The following CNOT2 variants were observed in gnomAD, a reference collection of about 807,000 sequenced individuals.
CNOT2 encodes the protein CCR4-NOT transcription complex subunit 2.
CNOT2 carries 7 observed loss-of-function variants against 72.1 expected under a neutral mutation model. The observed-to-expected ratio is 0.10, with a 90% CI of 0.06 to 0.18. The LOEUF (loss-of-function observed/expected upper bound fraction) is 0.18. Among genes scored for constraint, CNOT2 ranks in the 10% least tolerant of loss-of-function variants. The pLI, the probability that CNOT2 is intolerant of heterozygous loss-of-function variation, is 1.00. For missense variants in CNOT2, 345 were observed against 660.3 expected, an observed-to-expected ratio of 0.52 and a Z score of 5.23; for synonymous variants, 196 against 225.6, an observed-to-expected ratio of 0.87 and a Z score of 1.17.
intron 4 of CNOT2, among the ~76,000 whole-genome samples, chr12:70,325,061 T>C (rs544727077): frequency 6.6e-6 from 1 of 152,022 alleles, no homozygotes; most frequent in African/African-American, 2.4e-5. Flanking sequence ...ACCTTGGTCA[T>C]AGCACTTATT....
chr12:70,319,913 A>G (rs189252566), intron 4 of CNOT2, among the ~76,000 whole-genome samples: 12 of 151,720 alleles, frequency 7.9e-5, no homozygotes, highest in Admixed American at 2.0e-4. Flanking sequence ...TTCTACTTCT[A>G]TTTTTTTAAA....
At chr12:70,311,134 A>C (rs1383944359) in intron 3 of CNOT2, 117 bp downstream of exon 3, 3 of 702,318 alleles carry the variant, frequency 4.3e-6, no homozygotes, top group Admixed American at 2.1e-5. Context: ...TCTTTTCAGC[A>C]CAGTGCTAGT....
chr12:70,296,360 T>A (rs1052065467), intron 2 of CNOT2, among the ~76,000 whole-genome samples: 4 of 152,152 alleles, frequency 2.6e-5, no homozygotes, highest in Non-Finnish European at 5.9e-5. Context: ...CAGTCATAGA[T>A]TTTTGTGTGT....
chr12:70,318,465 G>A (rs1361755946), intron 3 of CNOT2, among the ~76,000 whole-genome samples: 1 of 151,568 alleles, frequency 6.6e-6, no homozygotes, highest in East Asian at 1.9e-4. Flanking sequence ...GGGTACAGGT[G>A]GTTTCTGATT....
rs781781997 is a variant in CNOT2, at chr12:70,338,573, T to C, written c.1021+10T>C. 3 of 1,604,302 alleles carry C rather than the reference T, an allele frequency of 1.9e-6. No individual in the cohort carries two copies. Among genetic ancestry groups the C allele is most frequent in the South Asian group, 2.2e-5 (2 of 89,360 alleles). The stretch of plus-strand genomic sequence containing the variant: ...CAGGTGTTACCTGATGGTGGGACTC[T>C]AGAAATCTATGTCAAAGATATTATA... On this transcript the variant is annotated intron_variant, in intron 10 of 15. Coordinates refer to ENST00000229195, the MANE Select transcript of CNOT2 (RefSeq NM_014515.7).
chr12:70,337,002 C>T (rs959559992), intron 8 of CNOT2: 3 of 159,904 alleles, frequency 1.9e-5, no homozygotes, highest in Non-Finnish European at 2.8e-5. Flanking sequence ...AGAATACTGA[C>T]ATATTCTTTT....
chr12:70,317,611 ATTTTTT>A (rs529433652), intron 3 of CNOT2, among the ~76,000 whole-genome samples: 63 of 105,432 alleles, frequency 6.0e-4, no homozygotes, highest in East Asian at 2.0e-3. Context: ...ATAAGGTTTG[ATTTTTT>A]TTTTTTTTTT....
At position 70,338,836 on chromosome 12, in the gene CNOT2, G is replaced by C; in HGVS notation, c.1178+14G>C. 1 of 1,608,138 alleles carries C rather than the reference G, an allele frequency of 6.2e-7. No individual in the cohort carries two copies. Among genetic ancestry groups the C allele is most frequent in the Non-Finnish European group, 8.5e-7 (1 of 1,176,684 alleles). On this transcript the variant is annotated intron_variant, in intron 11 of 15. Coordinates refer to ENST00000229195, the MANE Select transcript of CNOT2 (RefSeq NM_014515.7). ...GAACTCTCCTGAGTAAGTTTTTTCT[G>C]TTTTTCCATGTCTGTATATAATACC...
chr12:70,346,466 T>C (rs1882183981), intron 15 of CNOT2, 142 bp downstream of exon 15: 1 of 617,476 alleles, frequency 1.6e-6, no homozygotes, highest in Non-Finnish European at 2.8e-6. Flanking sequence ...TCTCCTTGGC[T>C]TGACACTCTT....
chr12:70,291,708 C>A lies in CNOT2; in HGVS notation c.48+13434C>A, dbSNP rs150338181. Reference sequence around the variant, plus strand: ...ATCCCAGCACTTTGGGAGGCTGAGGCGGGCAGATCACCAGGTCAGGAGATC... The same window carrying A: ...ATCCCAGCACTTTGGGAGGCTGAGGAGGGCAGATCACCAGGTCAGGAGATC... On this transcript the variant is annotated intron_variant, in intron 2 of 15. Coordinates refer to ENST00000229195, the MANE Select transcript of CNOT2 (RefSeq NM_014515.7). Among the ~76,000 whole-genome samples, 829 of 152,266 alleles carry A rather than the reference C, an allele frequency of 5.4e-3. 8 individuals are homozygous for A. Among genetic ancestry groups the A allele is most frequent in the African/African-American group, 0.018 (764 of 41,552 alleles).
chr12:70,299,803 A>T (rs1429101207), intron 2 of CNOT2, among the ~76,000 whole-genome samples: 3 of 152,144 alleles, frequency 2.0e-5, no homozygotes, highest in African/African-American at 7.2e-5. Context: ...CGCCACACTG[A>T]CTTCCACAAT....
intron 2 of CNOT2, among the ~76,000 whole-genome samples, chr12:70,285,910 T>C (rs1870813465): frequency 6.6e-6 from 1 of 151,966 alleles, no homozygotes; most frequent in South Asian, 2.1e-4. Context: ...GAGGAACCCA[T>C]GGTAAGGCTA....
At chr12:70,280,915 C>T (rs80301661) in intron 2 of CNOT2, among the ~76,000 whole-genome samples, 2,496 of 152,180 alleles carry the variant, frequency 0.016, 63 homozygotes, top group African/African-American at 0.056. Context: ...TTATATGGCT[C>T]ATGGTTCATT....
In CNOT2 at chr12:70,338,378, A is replaced by G. The variant is rs1880986126; in HGVS notation, c.901-65A>G. On this transcript the variant is annotated intron_variant, in intron 9 of 15. Coordinates refer to ENST00000229195, the MANE Select transcript of CNOT2 (RefSeq NM_014515.7). ...ATAAAGAATAAATAGCAAGGTATTAATATGTGAACTTGAATTTGTATACTT... is the reference window on the plus strand; with the variant it reads ...ATAAAGAATAAATAGCAAGGTATTAGTATGTGAACTTGAATTTGTATACTT... 6 of 1,332,598 alleles carry G rather than the reference A, an allele frequency of 4.5e-6. No individual in the cohort carries two copies. In the South Asian group the frequency reaches 6.7e-5, roughly 15 times the overall value. The allele number at this position is 1,332,598 out of a possible 1,614,324, so 82.5% of individuals were successfully genotyped here.
intron 4 of CNOT2, among the ~76,000 whole-genome samples, chr12:70,320,178 TC>T (rs1292874271): frequency 6.6e-6 from 1 of 151,640 alleles, no homozygotes; most frequent in African/African-American, 2.4e-5. Context: ...TGTTATAAAT[TC>T]CCATCAGACA....
At position 70,354,189 on chromosome 12, in the gene CNOT2, T is replaced by A; in HGVS notation, c.*274T>A. On this transcript the variant is annotated 3_prime_UTR_variant, in exon 16 of 16. Coordinates refer to ENST00000229195, the MANE Select transcript of CNOT2 (RefSeq NM_014515.7). ...TTCCTTTTTTGCCAGCAGACAGACT[T>A]GAGTCTGTAAAGACAAGCAAATACA... 2 of 447,086 alleles carry A rather than the reference T, an allele frequency of 4.5e-6. No homozygotes were observed. Among genetic ancestry groups the A allele is most frequent in the Non-Finnish European group, 7.3e-6 (2 of 275,104 alleles). The allele number at this position is 447,086 out of a possible 1,614,324, so 27.7% of individuals were successfully genotyped here.
intron 2 of CNOT2, among the ~76,000 whole-genome samples, chr12:70,292,399 G>A (rs79224766): frequency 0.14 from 21,990 of 152,158 alleles, 1,926 homozygotes; most frequent in Admixed American, 0.28. Flanking sequence ...AATGTAAGGG[G>A]TGGGGGACAA....
At position 70,354,544 on chromosome 12, in the gene CNOT2, C is replaced by T. The variant is rs1883249957; in HGVS notation, c.*629C>T. ...TGTGTTATTACTGAGCTTCATCTTT[C>T]CAGAATGAGCAAAACACTGTCCAGT... On this transcript the variant is annotated 3_prime_UTR_variant, in exon 16 of 16. Coordinates refer to ENST00000229195, the MANE Select transcript of CNOT2 (RefSeq NM_014515.7). The T allele has an allele frequency of 6.6e-6, 1 of 152,536 alleles. No individual in the cohort carries two copies. Among genetic ancestry groups the T allele is most frequent in the African/African-American group, 2.4e-5 (1 of 41,430 alleles). 9.4% of individuals were successfully genotyped at this position (152,536 alleles called of 1,614,324 possible). A position where few individuals can be genotyped will look rare whatever the true frequency, so the allele number is the denominator to read the frequency against.
intron 15 of CNOT2, among the ~76,000 whole-genome samples, chr12:70,349,710 T>C (rs912583541): frequency 6.6e-6 from 1 of 152,170 alleles, no homozygotes; most frequent in Non-Finnish European, 1.5e-5. Flanking sequence ...CATTAAAATG[T>C]TGACATTGGT....
Sources: allele counts gnomAD v4.1 joint callset (sites outside exome capture counted in the v4.1 genomes callset), GRCh38; gene constraint gnomAD v4.1.1; transcripts MANE v1.5; gene names NCBI Gene and HGNC (gene_info 2026-07-23, HGNC 2026-07-21).